PPID: variants seen among roughly 807,000 people sequenced by gnomAD.
PPID encodes the protein peptidylprolyl isomerase D.
A neutral mutation model predicts 48.1 loss-of-function variants in PPID; 47 were observed. The ratio of observed to expected loss-of-function variants is 0.98; its 90% CI spans 0.77 to 1.25. The LOEUF is 1.25. Ranked by LOEUF, PPID falls within the 50% of genes most tolerant of loss-of-function variation. The pLI is 0.00. For missense variants in PPID, 429 were observed against 443.5 expected (o/e 0.97, Z 0.29); for synonymous variants, 163 against 148.8 (o/e 1.10, Z -0.69).
rs758349295 is a variant in PPID at position 158,723,331 on chromosome 4, A to T, written c.-43T>A. 4.4e-6 allele frequency: 7 copies of T among 1,587,248 alleles called. No homozygotes were observed. In the South Asian group the frequency reaches 4.4e-5, roughly 10 times the overall value. On this transcript the variant is annotated 5_prime_UTR_variant, in exon 1 of 10. Coordinates refer to ENST00000307720, the MANE Select transcript of PPID (RefSeq NM_005038.3). ...TTTAGTACGGAATATCAGAGTACCTAGTGGCCGCCCGGGCCGCCCAAACTC... is the reference window on the plus strand; with the variant it reads ...TTTAGTACGGAATATCAGAGTACCTTGTGGCCGCCCGGGCCGCCCAAACTC...
chr4:158,711,994 A>AT (rs1561254580), intron 7 of PPID, among the ~76,000 whole-genome samples: 1 of 152,090 alleles, frequency 6.6e-6, no homozygotes, highest in African/African-American at 2.4e-5. Context: ...TTTTCTTTTG[A>AT]TAAGTTTTTT....
At chr4:158,711,911 G>GAGCTTTGATTGCATCACTGCACTC (rs1264755834) in intron 7 of PPID, among the ~76,000 whole-genome samples, 2 of 152,110 alleles carry the variant, frequency 1.3e-5, no homozygotes, top group African/African-American at 4.8e-5. Flanking sequence ...AGGCTGCAGT[G>GAGCTTTGATTGCATCACTGCACTC]AGCTTTGATT....
chr4:158,719,309 T>C, intron 2 of PPID, 23 bp from the exon 3 acceptor site: 1 of 1,466,320 alleles, frequency 6.8e-7, no homozygotes. Flanking sequence ...AAAATGGCTA[T>C]TAGTGACTGA....
chr4:158,715,810 C>T (rs1774862386), intron 4 of PPID, 126 bp from the exon 5 acceptor site: 2 of 1,042,248 alleles, frequency 1.9e-6, no homozygotes, highest in Non-Finnish European at 2.8e-6. Flanking sequence ...CATTTATGTA[C>T]TATAATGCTG....
chr4:158,717,477 G>A (rs182598805), intron 3 of PPID, among the ~76,000 whole-genome samples: 4 of 152,108 alleles, frequency 2.6e-5, no homozygotes, highest in African/African-American at 7.2e-5. Flanking sequence ...AACAATAGTC[G>A]GGGGGAGGGT....
At chr4:158,711,816 A>C (rs1774795245) in intron 7 of PPID, among the ~76,000 whole-genome samples, 1 of 152,074 alleles carries the variant, frequency 6.6e-6, no homozygotes, top group Non-Finnish European at 1.5e-5. Context: ...AAAATTTAAA[A>C]ATCAGCTGGG....
chr4:158,713,725 G>C (rs867771448), intron 6 of PPID, among the ~76,000 whole-genome samples: 1 of 152,132 alleles, frequency 6.6e-6, no homozygotes, highest in Admixed American at 6.6e-5. Flanking sequence ...GAAATCAGAG[G>C]TCCTTGGAGA....
chr4:158,717,262 T>G, intron 3 of PPID, 62 bp from the exon 4 acceptor site: 1 of 1,442,056 alleles, frequency 6.9e-7, no homozygotes, highest in African/African-American at 1.4e-5. Flanking sequence ...AATTGTGTGT[T>G]AGTCTGAACT....
intron 6 of PPID, among the ~76,000 whole-genome samples, chr4:158,714,725 G>A (rs1774842416): frequency 6.6e-6 from 1 of 152,028 alleles, no homozygotes; most frequent in Admixed American, 6.6e-5. Context: ...CAAGTAGCTG[G>A]GATTACAGGC....
At chr4:158,718,344 A>G (rs963812951) in intron 3 of PPID, among the ~76,000 whole-genome samples, 1 of 152,254 alleles carries the variant, frequency 6.6e-6, no homozygotes, top group Admixed American at 6.5e-5. Flanking sequence ...AATGACTTCC[A>G]TAATAATTCA....
chr4:158,716,688 G>A (rs924193718), intron 4 of PPID, among the ~76,000 whole-genome samples: 1 of 152,040 alleles, frequency 6.6e-6, no homozygotes, highest in African/African-American at 2.4e-5. Context: ...GGCTGGGTGC[G>A]GTGGCTCATG....
chr4:158,715,500 T>C (rs200920920), intron 5 of PPID, 62 bp downstream of exon 5: 7 of 1,581,484 alleles, frequency 4.4e-6, no homozygotes, highest in Non-Finnish European at 5.2e-6. Flanking sequence ...GCTCAAACTT[T>C]TAGTACTAAA....
chr4:158,713,142 C>T lies in PPID; in HGVS notation c.871G>A (p.Gly291Arg). 1 of 1,613,960 alleles carries T rather than the reference C, an allele frequency of 6.2e-7. No individual in the cohort carries two copies. The highest frequency in any genetic ancestry group is 8.5e-7 in the Non-Finnish European group (1 of 1,179,946). The change falls in exon 7 of 10, where the codon GGA becomes AGA. Residue 291 changes from glycine (G) to arginine (R), a missense_variant. Coordinates refer to ENST00000307720, the MANE Select transcript of PPID (RefSeq NM_005038.3). ...ACCTCTAAACAACTGTCAATTGCTC[C>T]CTGCCAATTTGACATCTTCAGTTTA... ...ACKLKMSNWQ[G>R]AIDSCLEALE...
At chr4:158,721,293 C>G (rs17843890) in intron 2 of PPID, 50 bp downstream of exon 2, 16 of 1,583,212 alleles carry the variant, frequency 1.0e-5, no homozygotes, top group Non-Finnish European at 1.3e-5. Context: ...TCCTAAAGAA[C>G]AGGACTTGTC....
chr4:158,712,402 G>A (rs190632057), intron 7 of PPID, among the ~76,000 whole-genome samples: 167 of 152,092 alleles, frequency 1.1e-3, no homozygotes, highest in African/African-American at 3.8e-3. Context: ...AAAATAACTC[G>A]TCTCTGTTAG....
intron 6 of PPID, among the ~76,000 whole-genome samples, chr4:158,715,040 C>G (rs1387362653): frequency 6.6e-6 from 1 of 152,064 alleles, no homozygotes; most frequent in Non-Finnish European, 1.5e-5. Flanking sequence ...CAAAATAGTT[C>G]TGTAAAAACG....
intron 6 of PPID, among the ~76,000 whole-genome samples, 168 bp downstream of exon 6, chr4:158,715,127 CTT>C (rs986245390): frequency 7.4e-5 from 10 of 134,344 alleles, no homozygotes; most frequent in African/African-American, 2.9e-4. Flanking sequence ...CAACTTCTGT[CTT>C]TTGAAATTTC....
At chr4:158,720,927 G>A (rs1298768799) in intron 2 of PPID, among the ~76,000 whole-genome samples, 1 of 152,054 alleles carries the variant, frequency 6.6e-6, no homozygotes, top group African/African-American at 2.4e-5. Flanking sequence ...CGTTAGCCAA[G>A]ATGGTCTCGA....
chr4:158,715,405 T>A lies in PPID; in HGVS notation c.646-2A>T, dbSNP rs1774854765. On this transcript the variant is annotated splice_acceptor_variant, in intron 5 of 9. Coordinates refer to ENST00000307720, the MANE Select transcript of PPID (RefSeq NM_005038.3). LOFTEE classifies it high-confidence loss of function. ...TGTTATTAATAAAATTTTATCTACC[T>A]GTATAAAAAAATACAAATATGTTGG... The A allele has an allele frequency of 6.7e-7, 1 of 1,496,288 alleles. No individual in the cohort carries two copies. The allele number at this position is 1,496,288 out of a possible 1,614,324, so 92.7% of individuals were successfully genotyped here.
Sources: allele counts gnomAD v4.1 joint callset (sites outside exome capture counted in the v4.1 genomes callset), GRCh38; gene constraint gnomAD v4.1.1; transcripts MANE v1.5; gene names NCBI Gene and HGNC (gene_info 2026-07-23, HGNC 2026-07-21).